MTMR2: variants seen among roughly 807,000 people sequenced by gnomAD.
MTMR2 encodes myotubularin related protein 2.
A neutral mutation model predicts 86.9 loss-of-function variants in MTMR2; 55 were observed. The observed-to-expected ratio is 0.63, with a 90% CI of 0.51 to 0.79. MTMR2 has a LOEUF of 0.79. MTMR2 is among the 30% of genes least tolerant of loss of function. MTMR2 has a pLI of 0.00. For synonymous variants in MTMR2, 241 were observed against 266.8 expected (o/e 0.90, Z 0.94); for missense variants, 659 against 772.3 (o/e 0.85, Z 1.74).
intron 11 of MTMR2, among the ~76,000 whole-genome samples, chr11:95,843,247 C>T (rs549006737): frequency 3.0e-4 from 46 of 152,160 alleles, no homozygotes; most frequent in African/African-American, 1.0e-3. Context: ...TCTGACAAAA[C>T]CAATGGTGAT....
Position 95,845,035 on chromosome 11 carries a change from A to T in MTMR2, c.1304T>A (p.Leu435Ter). 1 of 1,614,010 alleles carries T rather than the reference A, an allele frequency of 6.2e-7. No individual in the cohort carries two copies. The highest frequency in any genetic ancestry group is 8.5e-7 in the Non-Finnish European group (1 of 1,179,916). Reference protein sequence around the residue: ...AQLTSLAMLMLDGYYRTIRGF... With the variant: ...AQLTSLAMLM ...TCGGATGGTTCGATAGTATCCATCCAACATGAGCATGGCAAGGGAAGTGAG... is the reference window on the plus strand; with the variant it reads ...TCGGATGGTTCGATAGTATCCATCCTACATGAGCATGGCAAGGGAAGTGAG... Residue 435 changes from leucine (L) to a stop codon, truncating the protein, a stop_gained, in exon 11 of 15, where the codon TTG (leucine) becomes TAG (stop). Coordinates refer to ENST00000346299, the MANE Select transcript of MTMR2 (RefSeq NM_016156.6). LOFTEE classifies it high-confidence loss of function.
At chr11:95,915,691 C>G (rs1055426813) in intron 1 of MTMR2, among the ~76,000 whole-genome samples, 1 of 152,054 alleles carries the variant, frequency 6.6e-6, no homozygotes, top group Non-Finnish European at 1.5e-5. Flanking sequence ...GAGAAAATAC[C>G]TAAGTAGAAC....
At chr11:95,851,234 T>G (rs1157523945) in intron 7 of MTMR2, among the ~76,000 whole-genome samples, 1 of 151,128 alleles carries the variant, frequency 6.6e-6, no homozygotes, top group Non-Finnish European at 1.5e-5. Context: ...GGCTAATTTT[T>G]GTATTTTTTA....
rs1404506209 is a variant in MTMR2, at chr11:95,847,991, A to G, written c.994-92T>C. 1.0e-5 allele frequency: 13 copies of G among 1,243,820 alleles called. No individual in the cohort carries two copies. The East Asian group carries it at 1.2e-4, about 12-fold the overall frequency. 77.0% of individuals were successfully genotyped at this position (1,243,820 alleles called of 1,614,324 possible). A position where few individuals can be genotyped will look rare whatever the true frequency, so the allele number is the denominator to read the frequency against. ...TATCCAATAGCATAAAAGATGATAC[A>G]TATTACTGGAGACAAGGAAAACTCC... On this transcript the variant is annotated intron_variant, in intron 9 of 14. Coordinates refer to ENST00000346299, the MANE Select transcript of MTMR2 (RefSeq NM_016156.6).
chr11:95,892,937 G>A (rs1346944666), intron 1 of MTMR2, among the ~76,000 whole-genome samples: 2 of 151,908 alleles, frequency 1.3e-5, no homozygotes, highest in Non-Finnish European at 1.5e-5. Flanking sequence ...ATGTAACAAC[G>A]CCCAAAGATG....
At chr11:95,864,388 T>C (rs1864531788) in intron 3 of MTMR2, among the ~76,000 whole-genome samples, 1 of 152,098 alleles carries the variant, frequency 6.6e-6, no homozygotes, top group Non-Finnish European at 1.5e-5. Flanking sequence ...AAAGCCATAT[T>C]TCATAATGGG....
chr11:95,894,998 GT>G (rs895754030), intron 1 of MTMR2, among the ~76,000 whole-genome samples: 23 of 151,962 alleles, frequency 1.5e-4, no homozygotes, highest in African/African-American at 5.3e-4. Context: ...CAATTTTCAT[GT>G]TCTTTTCTTC....
At chr11:95,841,456 A>G (rs1397452417) in intron 12 of MTMR2, among the ~76,000 whole-genome samples, 161 bp downstream of exon 12, 1 of 152,148 alleles carries the variant, frequency 6.6e-6, no homozygotes, top group African/African-American at 2.4e-5. Context: ...TTAATCTTTA[A>G]CCTGATTCAT....
At chr11:95,883,616 A>G (rs1041255210) in intron 2 of MTMR2, among the ~76,000 whole-genome samples, 1 of 152,204 alleles carries the variant, frequency 6.6e-6, no homozygotes, top group Non-Finnish European at 1.5e-5. Flanking sequence ...ACATCTGTAT[A>G]AGACTTTTTC....
At chr11:95,864,984 T>A (rs544428467) in intron 3 of MTMR2, among the ~76,000 whole-genome samples, 2 of 152,144 alleles carry the variant, frequency 1.3e-5, no homozygotes, top group South Asian at 4.1e-4. Flanking sequence ...TATCTGTAGA[T>A]TATCACACAG....
At chr11:95,899,016 G>C (rs951327422) in intron 1 of MTMR2, among the ~76,000 whole-genome samples, 2 of 152,166 alleles carry the variant, frequency 1.3e-5, no homozygotes, top group South Asian at 2.1e-4. Context: ...AGAGTAGAAA[G>C]TGCTGAATAA....
intron 1 of MTMR2, among the ~76,000 whole-genome samples, chr11:95,917,049 T>A (rs1307644010): frequency 1.3e-5 from 2 of 152,102 alleles, no homozygotes; most frequent in Non-Finnish European, 2.9e-5. Flanking sequence ...TTTATTTTAA[T>A]AATCTAGTAC....
At chr11:95,860,272 C>T (rs1316938434) in intron 5 of MTMR2, among the ~76,000 whole-genome samples, 7 of 152,170 alleles carry the variant, frequency 4.6e-5, no homozygotes, top group East Asian at 3.9e-4. Flanking sequence ...GAGGCCAAGG[C>T]GGGCAGATCA....
At chr11:95,874,517 C>G (rs1240526182) in intron 2 of MTMR2, among the ~76,000 whole-genome samples, 1 of 152,112 alleles carries the variant, frequency 6.6e-6, no homozygotes, top group Non-Finnish European at 1.5e-5. Flanking sequence ...TTCCTGAATA[C>G]AGCACACTGA....
chr11:95,887,264 CAT>C lies in MTMR2; in HGVS notation c.186+890_186+891del, dbSNP rs111724541. Among the ~76,000 whole-genome samples the C allele has an allele frequency of 5.8e-3, 877 of 152,268 alleles. 5 individuals are homozygous for C. The highest frequency in any genetic ancestry group is 8.5e-3 in the African/African-American group (353 of 41,562). Reference sequence around the variant, plus strand: ...AGTGTAACCAGTGAGAAAGCAGCCACATGTTTGGAATAAAAAGATTCTGACAT... The same window carrying C: ...AGTGTAACCAGTGAGAAAGCAGCCACGTTTGGAATAAAAAGATTCTGACAT... On this transcript the variant is annotated intron_variant, in intron 2 of 14. Transcript: ENST00000346299.
chr11:95,910,921 T>C (rs913631335), intron 1 of MTMR2, among the ~76,000 whole-genome samples: 5 of 152,040 alleles, frequency 3.3e-5, no homozygotes, highest in Admixed American at 6.6e-5. Context: ...GTATAAAACA[T>C]TTGAGACACA....
At chr11:95,879,134 G>T (rs1865230476) in intron 2 of MTMR2, among the ~76,000 whole-genome samples, 1 of 151,804 alleles carries the variant, frequency 6.6e-6, no homozygotes, top group Admixed American at 6.6e-5. Context: ...GGATATGAAG[G>T]ACCAGAGGCT....
At chr11:95,894,985 A>G (rs1006666296) in intron 1 of MTMR2, among the ~76,000 whole-genome samples, 4 of 152,160 alleles carry the variant, frequency 2.6e-5, no homozygotes, top group Admixed American at 6.5e-5. Context: ...TTTCATGAAG[A>G]AACAATTTTC....
intron 2 of MTMR2, among the ~76,000 whole-genome samples, chr11:95,871,474 T>G (rs1388036419): frequency 2.0e-5 from 3 of 152,248 alleles, no homozygotes; most frequent in Non-Finnish European, 2.9e-5. Flanking sequence ...TTCATTTGCA[T>G]TTCTCTGATG....
Sources: allele counts gnomAD v4.1 joint callset (sites outside exome capture counted in the v4.1 genomes callset), GRCh38; gene constraint gnomAD v4.1.1; transcripts MANE v1.5; gene names NCBI Gene and HGNC (gene_info 2026-07-23, HGNC 2026-07-21).